VPS54: variants seen among roughly 807,000 people sequenced by gnomAD.
VPS54 encodes the protein vacuolar protein sorting-associated protein 54.
Under a neutral mutation model 121.5 loss-of-function variants are expected in VPS54, and 45 were observed. The observed-to-expected ratio is 0.37, with a 90% confidence interval of 0.29 to 0.47. The LOEUF is 0.47. Ranked by LOEUF, VPS54 falls within the 20% of genes least tolerant of loss-of-function variation. The pLI is 0.99. For missense variants in VPS54, 1,090 were observed against 1,131.4 expected (o/e 0.96, Z 0.52); for synonymous variants, 371 against 385.8 (o/e 0.96, Z 0.45).
rs547755518 is a variant in VPS54 at position 63,931,353 on chromosome 2, C to T, written c.1739+2320G>A. The stretch of plus-strand genomic sequence containing the variant: ...CAGAGGCCTCAGAAATAATACCACA[C>T]ATCTACAACCATCTGATCTTTGACA... On this transcript the variant is annotated intron_variant, in intron 12 of 22. Coordinates refer to ENST00000272322, the MANE Select transcript of VPS54 (RefSeq NM_016516.3). Among the ~76,000 whole-genome samples, 51 of 152,270 alleles carry T rather than the reference C, an allele frequency of 3.3e-4. No homozygotes were observed. The South Asian group carries it at 9.5e-3, about 28-fold the overall frequency.
chr2:63,976,147 G>A (rs1024368347), intron 3 of VPS54, among the ~76,000 whole-genome samples: 1 of 151,984 alleles, frequency 6.6e-6, no homozygotes, highest in Non-Finnish European at 1.5e-5. Flanking sequence ...TTTGAGACCA[G>A]CCTGGACAAC....
chr2:63,942,890 C>T (rs1299091438), intron 10 of VPS54, among the ~76,000 whole-genome samples: 1 of 152,148 alleles, frequency 6.6e-6, no homozygotes, highest in African/African-American at 2.4e-5. Context: ...ATTTAATAAT[C>T]TGCTTTTCTA....
intron 5 of VPS54, among the ~76,000 whole-genome samples, chr2:63,966,678 T>C (rs1301071236): frequency 1.3e-5 from 2 of 152,200 alleles, no homozygotes; most frequent in African/African-American, 2.4e-5. Flanking sequence ...AAACTCTCAA[T>C]AGATTCCCAT....
chr2:64,003,223 C>G (rs1487503106), intron 1 of VPS54, among the ~76,000 whole-genome samples: 1 of 152,098 alleles, frequency 6.6e-6, no homozygotes, highest in African/African-American at 2.4e-5. Context: ...ACGGAAAGCT[C>G]TAAGCACTAA....
intron 1 of VPS54, among the ~76,000 whole-genome samples, chr2:64,002,558 T>C (rs978351858): frequency 2.7e-4 from 41 of 152,378 alleles, no homozygotes; most frequent in African/African-American, 9.9e-4. Flanking sequence ...ACTATGTTGA[T>C]ATCTTGATTT....
chr2:64,013,801 A>C (rs964784557), intron 1 of VPS54, among the ~76,000 whole-genome samples: 4 of 151,254 alleles, frequency 2.6e-5, no homozygotes, highest in African/African-American at 9.7e-5. Flanking sequence ...TTCCACCCTC[A>C]AATTACCCCA....
intron 3 of VPS54, among the ~76,000 whole-genome samples, chr2:63,980,570 T>C (rs1249492383): frequency 6.6e-6 from 1 of 152,174 alleles, no homozygotes; most frequent in African/African-American, 2.4e-5. Flanking sequence ...CATTATTAGC[T>C]GTAATTCTTT....
intron 22 of VPS54, among the ~76,000 whole-genome samples, chr2:63,894,582 A>G (rs1672361432): frequency 6.6e-6 from 1 of 151,986 alleles, no homozygotes; most frequent in Non-Finnish European, 1.5e-5. Context: ...ACACACCTGT[A>G]GTCGCAGTTA....
rs139389895 is a variant in VPS54, at chr2:63,983,944, A to G, written c.56T>C (p.Phe19Ser). Residue 19 changes from phenylalanine (F) to serine (S), a missense_variant, in exon 2 of 23, where the codon TTC becomes TCC. Phe to Ser is a radical substitution (Grantham distance 155). Around this residue, in one of 2 missense-constraint regions of VPS54, gnomAD observed 801 missense variants for 757.0 expected, o/e 1.06. Transcript: ENST00000272322. ...PVPQGSSSDV[F>S]FKIEVDPSKH... ...TGACGGATCTACCTCTATTTTAAAG[A>G]AAACATCACTGCTGCTTCCTTGAGG... 1,706 of 1,613,970 alleles carry G rather than the reference A, an allele frequency of 1.1e-3. No homozygotes were observed. Among genetic ancestry groups the G allele is most frequent in the Non-Finnish European group, 1.3e-3 (1,566 of 1,179,888 alleles).
intron 15 of VPS54, among the ~76,000 whole-genome samples, chr2:63,918,509 G>C (rs748124405): frequency 1.3e-5 from 2 of 151,860 alleles, no homozygotes; most frequent in Non-Finnish European, 2.9e-5. Flanking sequence ...ATCAGCTCTT[G>C]CTACTTGAAT....
intron 1 of VPS54, among the ~76,000 whole-genome samples, chr2:64,013,418 C>G (rs146058646): frequency 9.2e-5 from 14 of 151,824 alleles, no homozygotes; most frequent in African/African-American, 3.1e-4. Flanking sequence ...GACATACCAG[C>G]CAAATGCAAT....
intron 1 of VPS54, among the ~76,000 whole-genome samples, chr2:63,993,506 CT>C (rs1417150862): frequency 6.6e-6 from 1 of 152,130 alleles, no homozygotes; most frequent in Non-Finnish European, 1.5e-5. Context: ...GTGGTGTTTT[CT>C]TCCTCATTCT....
At chr2:63,978,194 AAGC>A (rs1438952214) in intron 3 of VPS54, among the ~76,000 whole-genome samples, 1 of 152,236 alleles carries the variant, frequency 6.6e-6, no homozygotes, top group Non-Finnish European at 1.5e-5. Flanking sequence ...GACAACTTCC[AAGC>A]TCCTTACATG....
intron 7 of VPS54, among the ~76,000 whole-genome samples, chr2:63,958,909 A>C (rs1675623593): frequency 6.6e-6 from 1 of 152,192 alleles, no homozygotes; most frequent in Non-Finnish European, 1.5e-5. Context: ...AATGACTAAA[A>C]TATGGACTCT....
intron 5 of VPS54, among the ~76,000 whole-genome samples, chr2:63,967,972 AT>A (rs1295717207): frequency 2.0e-5 from 3 of 152,156 alleles, no homozygotes; most frequent in Non-Finnish European, 4.4e-5. Flanking sequence ...GCACAGAGCC[AT>A]CAAAAAAAAG....
At chr2:63,925,553 T>C (rs1452027030) in intron 12 of VPS54, among the ~76,000 whole-genome samples, 1 of 152,208 alleles carries the variant, frequency 6.6e-6, no homozygotes, top group Non-Finnish European at 1.5e-5. Flanking sequence ...CAAAGGTATC[T>C]AGAAGAATGT....
chr2:63,984,877 T>C (rs934251264), intron 1 of VPS54, among the ~76,000 whole-genome samples: 1 of 152,212 alleles, frequency 6.6e-6, no homozygotes, highest in African/African-American at 2.4e-5. Flanking sequence ...ACTACTGAAA[T>C]GTTTAGAGAT....
At chr2:63,921,366 G>A (rs1481609695) in intron 12 of VPS54, 31 bp from the exon 13 acceptor site, 1 of 1,606,922 alleles carries the variant, frequency 6.2e-7, no homozygotes, top group Non-Finnish European at 8.5e-7. Flanking sequence ...TTTAGTCAGG[G>A]AAAGTTGTAA....
At chr2:63,913,131 G>C in intron 18 of VPS54, 92 bp downstream of exon 18, 2 of 1,032,470 alleles carry the variant, frequency 1.9e-6, no homozygotes, top group Middle Eastern at 5.1e-4. Context: ...TTTGGTTAGA[G>C]CCATGAAAAC....
Sources: allele counts gnomAD v4.1 joint callset (sites outside exome capture counted in the v4.1 genomes callset), GRCh38; gene constraint gnomAD v4.1.1; regional missense constraint gnomAD v4.1.1; transcripts MANE v1.5; gene names NCBI Gene and HGNC (gene_info 2026-07-23, HGNC 2026-07-21).